Variants in PC observed in about 807,000 individuals in gnomAD.
PC encodes pyruvate carboxylase, mitochondrial.
Under a neutral mutation model 107.8 loss-of-function variants are expected in PC, and 46 were observed. The ratio of observed to expected loss-of-function variants is 0.43; its 90% confidence interval spans 0.34 to 0.55. The LOEUF is 0.55. Ranked by LOEUF, PC falls within the 20% of genes least tolerant of loss-of-function variation. PC has a pLI of 0.04. For missense variants in PC, 1,241 were observed against 1,643.1 expected (o/e 0.76, Z 4.23); for synonymous variants, 662 against 684.7 (o/e 0.97, Z 0.52).
intron 3 of PC, among the ~76,000 whole-genome samples, chr11:66,876,148 G>A (rs1002176269): frequency 6.6e-6 from 1 of 152,206 alleles, no homozygotes; most frequent in African/African-American, 2.4e-5. Flanking sequence ...GACATCAGGG[G>A]ACAACGATAC....
intron 3 of PC, among the ~76,000 whole-genome samples, chr11:66,919,074 G>T (rs1022484567): frequency 2.0e-5 from 3 of 152,120 alleles, no homozygotes; most frequent in Non-Finnish European, 2.9e-5. Context: ...AAGCTGTCTA[G>T]GTTAGCCTCA....
chr11:66,873,523 T>TAAC (rs1199302030), intron 3 of PC, among the ~76,000 whole-genome samples: 1 of 93,476 alleles, frequency 1.1e-5, no homozygotes, highest in Non-Finnish European at 2.0e-5. Flanking sequence ...TTATATTATA[T>TAAC]ATTATAATAT....
intron 3 of PC, among the ~76,000 whole-genome samples, chr11:66,926,294 A>G (rs979614269): frequency 3.3e-5 from 5 of 152,220 alleles, no homozygotes; most frequent in Non-Finnish European, 5.9e-5. Context: ...ATAATCTGGA[A>G]CAGAAAGTAA....
chr11:66,853,306 G>A lies in PC; in HGVS notation c.1446C>T (p.Asp482=), dbSNP rs145891535. The A allele has an allele frequency of 1.4e-4, 232 of 1,613,972 alleles. No homozygotes were observed. Among genetic ancestry groups the A allele is most frequent in the African/African-American group, 3.3e-4 (25 of 74,878 alleles). Reference sequence around the variant, plus strand: ...GCAGCTGGAACAGCTCTGGGTTCTCGTCGATGAACTGGGTGTCCACAGTGC... The same window carrying A: ...GCAGCTGGAACAGCTCTGGGTTCTCATCGATGAACTGGGTGTCCACAGTGC... ...LAGTVDTQFI[D]ENPELFQLRP... The change falls in exon 13 of 23, where the codon GAC becomes GAT. Residue 482 remains aspartate, a synonymous_variant. Transcript: ENST00000393960.
At chr11:66,880,412 G>T (rs1323802195) in intron 3 of PC, among the ~76,000 whole-genome samples, 2 of 152,188 alleles carry the variant, frequency 1.3e-5, no homozygotes, top group African/African-American at 4.8e-5. Context: ...AGGGAGCAGG[G>T]GCCTCTGCAC....
At chr11:66,930,667 G>A (rs954503023) in intron 3 of PC, among the ~76,000 whole-genome samples, 3 of 151,158 alleles carry the variant, frequency 2.0e-5, no homozygotes, top group African/African-American at 7.3e-5. Context: ...ATTTGAACTC[G>A]GGAGTCAGAG....
At chr11:66,927,813 A>C (rs1948755348) in intron 3 of PC, among the ~76,000 whole-genome samples, 1 of 152,010 alleles carries the variant, frequency 6.6e-6, no homozygotes, top group Admixed American at 6.6e-5. Context: ...AAGCCTACTC[A>C]AGGGGAGAGG....
chr11:66,875,609 G>T (rs370618669), intron 3 of PC, among the ~76,000 whole-genome samples: 1 of 152,086 alleles, frequency 6.6e-6, no homozygotes, highest in African/African-American at 2.4e-5. Flanking sequence ...GGACGCACGG[G>T]TCGCTGGGCA....
intron 1 of PC, among the ~76,000 whole-genome samples, chr11:66,957,508 T>C (rs1449677788): frequency 6.6e-6 from 1 of 152,042 alleles, no homozygotes; most frequent in Non-Finnish European, 1.5e-5. Context: ...GTCCCAGCAC[T>C]GGGGGACTGT....
At chr11:66,876,089 G>A (rs188408153) in intron 3 of PC, among the ~76,000 whole-genome samples, 63 of 152,352 alleles carry the variant, frequency 4.1e-4, no homozygotes, top group African/African-American at 1.5e-3. Context: ...CAACAATGGT[G>A]AGAGCCACAC....
chr11:66,941,531 G>A (rs1255065008), intron 3 of PC, among the ~76,000 whole-genome samples: 3 of 151,854 alleles, frequency 2.0e-5, no homozygotes, highest in African/African-American at 4.8e-5. Flanking sequence ...TTGCTCTGTC[G>A]CCCAGGCTGG....
chr11:66,856,107 C>T (rs958879487), intron 12 of PC, among the ~76,000 whole-genome samples: 2 of 152,254 alleles, frequency 1.3e-5, no homozygotes, highest in Non-Finnish European at 1.5e-5. Flanking sequence ...CCACCGAAGC[C>T]CCAGCTTTCT....
In PC at chr11:66,851,250, C is replaced by T; in HGVS notation, c.2013G>A (p.Met671Ile). The T allele has an allele frequency of 6.2e-7, 1 of 1,602,824 alleles. No homozygotes were observed. The highest frequency in any genetic ancestry group is 8.5e-7 in the Non-Finnish European group (1 of 1,179,954). The change falls in exon 17 of 23, where the codon ATG becomes ATA. Residue 671 changes from methionine to isoleucine, a missense_variant. Met to Ile is a conservative substitution (Grantham distance 10). Transcript: ENST00000393960. The stretch of plus-strand genomic sequence containing the variant: ...GGGAGTCAAACACACGGAAGACATC[C>T]ATGCCATTCTCTTTGGCCACTTCAC... ...KFCEVAKENGMDVFRVFDSLN... is the reference protein window; with the variant it reads ...KFCEVAKENGIDVFRVFDSLN...
At chr11:66,854,194 GGCCACAC>G (rs1945672459) in intron 12 of PC, among the ~76,000 whole-genome samples, 1 of 152,208 alleles carries the variant, frequency 6.6e-6, no homozygotes, top group Admixed American at 6.5e-5. Flanking sequence ...TCCATCTCCA[GGCCACAC>G]CCTCCACCGC....
At chr11:66,864,025 G>C in intron 11 of PC, 69 bp from the exon 12 acceptor site, 7 of 1,519,936 alleles carry the variant, frequency 4.6e-6, no homozygotes, top group East Asian at 2.2e-5. Context: ...CCCACCCCGA[G>C]GCTGGCCAGG....
intron 12 of PC, chr11:66,859,015 G>C: frequency 6.6e-7 from 1 of 1,514,148 alleles, no homozygotes; most frequent in Non-Finnish European, 8.8e-7. Flanking sequence ...GTGAGCTGGG[G>C]TCCCGGGCGG....
At chr11:66,878,617 C>G (rs1947070818) in intron 3 of PC, among the ~76,000 whole-genome samples, 1 of 152,170 alleles carries the variant, frequency 6.6e-6, no homozygotes, top group Admixed American at 6.5e-5. Context: ...CTTAGCAGTC[C>G]CACTCCACCA....
At chr11:66,934,441 T>C (rs1948945191) in intron 3 of PC, 1 of 153,894 alleles carries the variant, frequency 6.5e-6, no homozygotes, top group African/African-American at 2.4e-5. Flanking sequence ...GGTTTCCTCA[T>C]CTATAAAATG....
chr11:66,863,678 G>A, intron 12 of PC, 96 bp downstream of exon 12: 1 of 1,318,030 alleles, frequency 7.6e-7, no homozygotes, highest in Non-Finnish European at 1.0e-6. Flanking sequence ...CAAGGCTGAG[G>A]TGAAGCCATG....
Sources: allele counts gnomAD v4.1 joint callset (sites outside exome capture counted in the v4.1 genomes callset), GRCh38; gene constraint gnomAD v4.1.1; transcripts MANE v1.5; gene names NCBI Gene and HGNC (gene_info 2026-07-23, HGNC 2026-07-21).